SUDS3: variants seen among roughly 807,000 people sequenced by gnomAD.
SUDS3 encodes the protein SIN3A corepressor complex component SDS3.
SUDS3 carries 23 observed loss-of-function variants against 53.5 expected under a neutral mutation model. The ratio of observed to expected loss-of-function variants is 0.43; its 90% CI spans 0.31 to 0.61. The LOEUF is 0.61. Among genes scored for constraint, SUDS3 ranks in the 20% least tolerant of loss-of-function variants. The probability of loss-of-function intolerance (pLI) is 0.10; values close to 1 mark genes in which losing one functional copy is unlikely to be tolerated. For synonymous variants in SUDS3, 150 were observed against 148.5 expected (o/e 1.01, Z -0.08); for missense variants, 291 against 405.9 (o/e 0.72, Z 2.43).
rs906835274 is a variant in SUDS3, at chr12:118,415,276, T to G, written c.*843T>G. 2 of 152,206 alleles carry G rather than the reference T, an allele frequency of 1.3e-5. No homozygotes were observed. The highest frequency in any genetic ancestry group is 4.8e-5 in the African/African-American group (2 of 41,456). 9.4% of individuals were successfully genotyped at this position (152,206 alleles called of 1,614,324 possible). A position where few individuals can be genotyped will look rare whatever the true frequency, so the allele number is the denominator to read the frequency against. On this transcript the variant is annotated 3_prime_UTR_variant, in exon 12 of 12. Coordinates refer to ENST00000543473, the MANE Select transcript of SUDS3 (RefSeq NM_022491.3). ...GTAAGTATGTGCCACAGGCTGATTA[T>G]CTGGGTAATCTTTTACGGGTGGGAG...
At chr12:118,396,599 A>G (rs1036243861) in intron 6 of SUDS3, among the ~76,000 whole-genome samples, 1 of 152,212 alleles carries the variant, frequency 6.6e-6, no homozygotes, top group African/African-American at 2.4e-5. Context: ...CACTGCAATT[A>G]ATATTTTTCC....
At chr12:118,402,629 C>G (rs560113315) in intron 9 of SUDS3, 1 of 119,266 alleles carries the variant, frequency 8.4e-6, no homozygotes, top group Non-Finnish European at 1.9e-5. Context: ...TGGAAGAAAA[C>G]AAGAGTCTTC....
chr12:118,406,628 T>C (rs2046310714), intron 10 of SUDS3, among the ~76,000 whole-genome samples: 1 of 152,124 alleles, frequency 6.6e-6, no homozygotes, highest in African/African-American at 2.4e-5. Context: ...AGTTTGACAT[T>C]TGGGGCTTAG....
rs2046386599 is a variant in SUDS3 at position 118,414,860 on chromosome 12, A to G, written c.*427A>G. The stretch of plus-strand genomic sequence containing the variant: ...GCATTTTCATGTTTTGAATCTGATT[A>G]GTGGATCACGTAGCTACTTTCCCTG... On this transcript the variant is annotated 3_prime_UTR_variant, in exon 12 of 12. Transcript: ENST00000543473. 1 of 153,460 alleles carries G rather than the reference A, an allele frequency of 6.5e-6. No individual in the cohort carries two copies. Among genetic ancestry groups the G allele is most frequent in the Non-Finnish European group, 1.5e-5 (1 of 68,958 alleles). The allele number at this position is 153,460 out of a possible 1,614,324, so 9.5% of individuals were successfully genotyped here. A position where few individuals can be genotyped will look rare whatever the true frequency, so the allele number is the denominator to read the frequency against.
chr12:118,417,953 A>C lies in SUDS3; in HGVS notation c.*3520A>C, dbSNP rs1335702738. The C allele has an allele frequency of 2.0e-5, 3 of 152,222 alleles. No individual in the cohort carries two copies. Among genetic ancestry groups the C allele is most frequent in the African/African-American group, 7.2e-5 (3 of 41,464 alleles). The allele number at this position is 152,222 out of a possible 1,614,324, so 9.4% of individuals were successfully genotyped here. ...AATGTTTGTGCACTCTTCTTGTTGC[A>C]GATAAAAGTCATTAAAAATCAAGTG... On this transcript the variant is annotated 3_prime_UTR_variant, in exon 12 of 12. Coordinates refer to ENST00000543473, the MANE Select transcript of SUDS3 (RefSeq NM_022491.3).
At chr12:118,408,243 A>T (rs372949702) in intron 10 of SUDS3, among the ~76,000 whole-genome samples, 1 of 151,692 alleles carries the variant, frequency 6.6e-6, no homozygotes, top group Non-Finnish European at 1.5e-5. Context: ...CTTGTTGCCC[A>T]GGCTGGTCTC....
At chr12:118,393,525 C>T (rs1278742273) in intron 6 of SUDS3, among the ~76,000 whole-genome samples, 1 of 152,126 alleles carries the variant, frequency 6.6e-6, no homozygotes, top group Non-Finnish European at 1.5e-5. Flanking sequence ...AGTAACTGTA[C>T]ATAGAGAAGC....
At chr12:118,401,672 T>C in intron 7 of SUDS3, 87 bp from the exon 8 acceptor site, 1 of 1,139,684 alleles carries the variant, frequency 8.8e-7, no homozygotes, top group Non-Finnish European at 1.3e-6. Context: ...TCATACTTTG[T>C]AAATTCTAAA....
Position 118,391,290 on chromosome 12 carries a change from A to AG in SUDS3, c.517+9dup. Reference sequence around the variant, plus strand: ...CAATGGAACTGACTGGAGGTAGGAAAGCCCTATGGGGTGGGATCTTGGGGG... The same window carrying AG: ...CAATGGAACTGACTGGAGGTAGGAAAGGCCCTATGGGGTGGGATCTTGGGGG... On this transcript the variant is annotated intron_variant, in intron 6 of 11. Transcript: ENST00000543473. 1 of 1,604,888 alleles carries AG rather than the reference A, an allele frequency of 6.2e-7. No individual in the cohort carries two copies. Among genetic ancestry groups the AG allele is most frequent in the South Asian group, 1.1e-5 (1 of 89,428 alleles).
intron 10 of SUDS3, among the ~76,000 whole-genome samples, chr12:118,407,683 A>G (rs1434153829): frequency 1.3e-5 from 2 of 151,408 alleles, no homozygotes; most frequent in Non-Finnish European, 1.5e-5. Flanking sequence ...GATATGATAC[A>G]TGGATACACA....
intron 3 of SUDS3, among the ~76,000 whole-genome samples, chr12:118,385,210 G>A (rs2141364503): frequency 6.6e-6 from 1 of 152,204 alleles, no homozygotes; most frequent in Non-Finnish European, 1.5e-5. Context: ...CTGGGTTCAA[G>A]CGATTCTCCT....
chr12:118,388,966 T>C (rs1241693699), intron 4 of SUDS3, among the ~76,000 whole-genome samples: 2 of 152,118 alleles, frequency 1.3e-5, no homozygotes, highest in African/African-American at 4.8e-5. Flanking sequence ...CTGGCCAACA[T>C]GGTGAAACCC....
chr12:118,380,274 C>T (rs1247238182), intron 2 of SUDS3, 43 bp downstream of exon 2: 7 of 1,515,322 alleles, frequency 4.6e-6, no homozygotes, highest in Non-Finnish European at 6.3e-6. Context: ...ATAGAATTGA[C>T]AACATCTTTA....
rs1360031958 is a variant in SUDS3, at chr12:118,417,621, G to A, written c.*3188G>A. On this transcript the variant is annotated 3_prime_UTR_variant, in exon 12 of 12. Transcript: ENST00000543473. ...GGTGATGGTCTTTTTTTATAACATC[G>A]TTAACGGGTACCATTAAATATTCTG... is the stretch of plus-strand genomic sequence containing the variant. 1 of 149,300 alleles carries A rather than the reference G, an allele frequency of 6.7e-6. No individual in the cohort carries two copies. The highest frequency in any genetic ancestry group is 1.5e-5 in the Non-Finnish European group (1 of 67,572). The allele number at this position is 149,300 out of a possible 1,614,324, so 9.2% of individuals were successfully genotyped here.
intron 10 of SUDS3, among the ~76,000 whole-genome samples, chr12:118,406,917 G>A (rs1421045750): frequency 9.8e-6 from 1 of 102,548 alleles, no homozygotes; most frequent in Non-Finnish European, 1.9e-5. Flanking sequence ...TTATTTTTTT[G>A]AGACAGGGTC....
intron 11 of SUDS3, 80 bp from the exon 12 acceptor site, chr12:118,414,255 G>A (rs878996755): frequency 3.2e-5 from 33 of 1,034,566 alleles, no homozygotes; most frequent in Middle Eastern, 4.0e-4. Flanking sequence ...CATCTCACTC[G>A]TGCAGATATT....
intron 6 of SUDS3, among the ~76,000 whole-genome samples, chr12:118,395,294 C>T (rs1412626196): frequency 2.1e-5 from 3 of 143,880 alleles, no homozygotes; most frequent in Admixed American, 7.1e-5. Context: ...GGCGCGATCT[C>T]GGCTCACTGC....
intron 11 of SUDS3, among the ~76,000 whole-genome samples, chr12:118,411,430 T>C (rs2046358430): frequency 6.6e-6 from 1 of 152,188 alleles, no homozygotes; most frequent in African/African-American, 2.4e-5. Context: ...ACCACGGAGC[T>C]AGATTCCAGG....
chr12:118,414,061 C>T (rs1378332913), intron 11 of SUDS3, among the ~76,000 whole-genome samples: 6 of 152,094 alleles, frequency 3.9e-5, no homozygotes. Flanking sequence ...GAAATGGAAC[C>T]CAAGATTGCT....
Sources: allele counts gnomAD v4.1 joint callset (sites outside exome capture counted in the v4.1 genomes callset), GRCh38; gene constraint gnomAD v4.1.1; transcripts MANE v1.5; gene names NCBI Gene and HGNC (gene_info 2026-07-23, HGNC 2026-07-21).